The following HTR1F variants were observed in gnomAD, a reference collection of about 807,000 sequenced individuals.
HTR1F encodes 5-hydroxytryptamine receptor 1F, also known as 5-hydroxytryptamine (serotonin) receptor 1F, G protein-coupled.
A neutral mutation model predicts 24.0 loss-of-function variants in HTR1F; 17 were observed. The ratio of observed to expected loss-of-function variants is 0.71; its 90% CI spans 0.48 to 1.06. The LOEUF (loss-of-function observed/expected upper bound fraction) is 1.06. HTR1F is among the 50% of genes least tolerant of loss of function. The pLI, the probability that HTR1F is intolerant of heterozygous loss-of-function variation, is 0.00. For missense variants in HTR1F, 391 were observed against 427.8 expected, an observed-to-expected ratio of 0.91 and a Z score of 0.76; for synonymous variants, 186 against 156.8, an observed-to-expected ratio of 1.19 and a Z score of -1.39.
intron 2 of HTR1F, among the ~76,000 whole-genome samples, chr3:87,847,780 G>A (rs1176580499): frequency 6.6e-6 from 1 of 151,718 alleles, no homozygotes; most frequent in Non-Finnish European, 1.5e-5. Context: ...CACATGTGAG[G>A]GAAGGCAGGC....
intron 2 of HTR1F, among the ~76,000 whole-genome samples, chr3:87,877,505 T>C (rs577231750): frequency 6.6e-6 from 1 of 152,244 alleles, no homozygotes; most frequent in African/African-American, 2.4e-5. Flanking sequence ...ATGTAAAAGT[T>C]AATGATGATT....
At chr3:87,802,824 A>G (rs1704016257) in intron 1 of HTR1F, among the ~76,000 whole-genome samples, 1 of 152,154 alleles carries the variant, frequency 6.6e-6, no homozygotes, top group Non-Finnish European at 1.5e-5. Context: ...TTTATTAAAT[A>G]ATGTTTGAAA....
At chr3:87,866,847 C>T (rs2938274) in intron 2 of HTR1F, among the ~76,000 whole-genome samples, 22,940 of 111,534 alleles carry the variant, frequency 0.21, 2,123 homozygotes, top group African/African-American at 0.49. Flanking sequence ...TGTGTGTGTG[C>T]GTGTGTGTGT....
chr3:87,974,376 T>A (rs1705348574), intron 2 of HTR1F, among the ~76,000 whole-genome samples: 1 of 152,202 alleles, frequency 6.6e-6, no homozygotes, highest in South Asian at 2.1e-4. Flanking sequence ...TTTTCCATAG[T>A]TGTTTTGACT....
At chr3:87,858,067 G>A (rs1705236982) in intron 2 of HTR1F, among the ~76,000 whole-genome samples, 1 of 152,082 alleles carries the variant, frequency 6.6e-6, no homozygotes, top group South Asian at 2.1e-4. Flanking sequence ...AGGAGAAAGC[G>A]AATTATAATC....
At chr3:87,908,925 G>C (rs1184326298) in intron 2 of HTR1F, among the ~76,000 whole-genome samples, 1 of 152,002 alleles carries the variant, frequency 6.6e-6, no homozygotes, top group Non-Finnish European at 1.5e-5. Context: ...TTTAACAAAA[G>C]ATAAAAACAT....
At chr3:87,841,727 C>G (rs1423664135) in intron 2 of HTR1F, among the ~76,000 whole-genome samples, 1 of 151,148 alleles carries the variant, frequency 6.6e-6, no homozygotes, top group Non-Finnish European at 1.5e-5. Flanking sequence ...TGGTGAAACC[C>G]CATCTCTACT....
intron 2 of HTR1F, among the ~76,000 whole-genome samples, chr3:87,886,632 C>CT (rs750866069): frequency 1.4e-4 from 21 of 152,166 alleles, no homozygotes; most frequent in African/African-American, 3.1e-4. Flanking sequence ...TGATAAGCAA[C>CT]TCAGCAAAGT....
intron 2 of HTR1F, among the ~76,000 whole-genome samples, chr3:87,903,022 G>A (rs1382313662): frequency 2.6e-5 from 4 of 151,190 alleles, no homozygotes; most frequent in Non-Finnish European, 5.9e-5. Context: ...CAAGGAATGG[G>A]GAAAGGATTC....
intron 2 of HTR1F, among the ~76,000 whole-genome samples, chr3:87,889,720 T>C (rs1188301549): frequency 6.6e-6 from 1 of 152,186 alleles, no homozygotes; most frequent in African/African-American, 2.4e-5. Context: ...AATTTAACAT[T>C]TACCATTTTA....
In HTR1F at chr3:87,992,675, T is replaced by G. The variant is rs1705863372; in HGVS notation, c.*825T>G. 1 of 167,020 alleles carries G rather than the reference T, an allele frequency of 6.0e-6. No homozygotes were observed. Among genetic ancestry groups the G allele is most frequent in the Non-Finnish European group, 1.5e-5 (1 of 68,082 alleles). 10.3% of individuals were successfully genotyped at this position (167,020 alleles called of 1,614,324 possible). A position where few individuals can be genotyped will look rare whatever the true frequency, so the allele number is the denominator to read the frequency against. ...ATTTAAAGCACTAAATATCATAGAT[T>G]ACTCACCACAGTTATACTCTTAACA... On this transcript the variant is annotated 3_prime_UTR_variant, in exon 3 of 3. Transcript: ENST00000319595.
intron 2 of HTR1F, among the ~76,000 whole-genome samples, chr3:87,915,973 T>C (rs769335912): frequency 6.6e-6 from 1 of 152,108 alleles, no homozygotes; most frequent in Non-Finnish European, 1.5e-5. Flanking sequence ...TCAGGTAACC[T>C]ATAAAGGAAA....
intron 1 of HTR1F, among the ~76,000 whole-genome samples, chr3:87,800,073 C>CTTTCAA (rs1470810304): frequency 2.0e-5 from 3 of 152,176 alleles, no homozygotes. Context: ...AGTCTAGACT[C>CTTTCAA]TTTCAATACC....
At chr3:87,863,786 A>G (rs776683081) in intron 2 of HTR1F, among the ~76,000 whole-genome samples, 9 of 152,132 alleles carry the variant, frequency 5.9e-5, no homozygotes, top group Admixed American at 2.0e-4. Flanking sequence ...ATTCTTTTCT[A>G]TGGGTTTTGT....
At chr3:87,820,273 T>G (rs1575906455) in intron 1 of HTR1F, among the ~76,000 whole-genome samples, 1 of 147,200 alleles carries the variant, frequency 6.8e-6, no homozygotes. Context: ...GCCTCCCGGG[T>G]TCACGCCATT....
chr3:87,856,627 C>CCAA (rs1414522793), intron 2 of HTR1F, among the ~76,000 whole-genome samples: 28 of 152,130 alleles, frequency 1.8e-4, no homozygotes, highest in Admixed American at 1.6e-3. Context: ...AGAATTTCTT[C>CCAA]CAACAGTACA....
At chr3:87,901,399 A>T (rs1706319953) in intron 2 of HTR1F, among the ~76,000 whole-genome samples, 1 of 152,158 alleles carries the variant, frequency 6.6e-6, no homozygotes, top group Admixed American at 6.6e-5. Context: ...AGAAAAAAAC[A>T]GCCATCTGCA....
chr3:87,931,304 T>A (rs1704265504), intron 2 of HTR1F, among the ~76,000 whole-genome samples: 2 of 148,326 alleles, frequency 1.3e-5, no homozygotes, highest in Non-Finnish European at 3.0e-5. Context: ...CGGTGTTTGG[T>A]TTTTTGTCCT....
chr3:87,880,250 G>A (rs1282956247), intron 2 of HTR1F, among the ~76,000 whole-genome samples: 2 of 152,138 alleles, frequency 1.3e-5, no homozygotes, highest in Non-Finnish European at 1.5e-5. Context: ...TAATTGTGGT[G>A]TGGTTTTCAG....
Sources: gnomAD v4.1 joint callset for allele counts (sites outside exome capture counted in the v4.1 genomes callset) on GRCh38, gnomAD v4.1.1 for gene constraint, MANE v1.5 for transcripts, NCBI Gene and HGNC (gene_info 2026-07-23, HGNC 2026-07-21) for gene names.